MACROD2: variants seen among roughly 807,000 people sequenced by gnomAD.
MACROD2 encodes the protein ADP-ribose glycohydrolase MACROD2.
In MACROD2, 36 loss-of-function variants were observed where a neutral mutation model predicts 70.4. The ratio of observed to expected loss-of-function variants is 0.51; its 90% CI spans 0.39 to 0.68. MACROD2 has a LOEUF of 0.68. Among genes scored for constraint, MACROD2 ranks in the 30% least tolerant of loss-of-function variants. The pLI is 0.00. For missense variants in MACROD2, 496 were observed against 538.4 expected (o/e 0.92, Z 0.78); for synonymous variants, 172 against 178.8 (o/e 0.96, Z 0.30).
intron 7 of MACROD2, among the ~76,000 whole-genome samples, chr20:15,494,779 G>GCA (rs1568847808): frequency 2.0e-5 from 3 of 150,172 alleles, no homozygotes; most frequent in Admixed American, 1.3e-4. Context: ...GTGTGTGTGC[G>GCA]CGCGTGTGTG....
At chr20:14,996,539 C>T (rs567399330) in intron 5 of MACROD2, among the ~76,000 whole-genome samples, 12 of 152,166 alleles carry the variant, frequency 7.9e-5, no homozygotes, top group Non-Finnish European at 1.2e-4. Context: ...TCATGAGAAC[C>T]GAAAATTAGG....
chr20:14,972,815 A>C (rs935413965), intron 5 of MACROD2, among the ~76,000 whole-genome samples: 1 of 152,166 alleles, frequency 6.6e-6, no homozygotes, highest in East Asian at 1.9e-4. Context: ...GAGTGAATTT[A>C]GCTTGACACA....
chr20:14,168,874 T>C (rs991683494), intron 3 of MACROD2, among the ~76,000 whole-genome samples: 1 of 152,038 alleles, frequency 6.6e-6, no homozygotes, highest in African/African-American at 2.4e-5. Context: ...GTCTCCCTAA[T>C]ACAAAACCAG....
intron 8 of MACROD2, among the ~76,000 whole-genome samples, chr20:15,595,353 G>A (rs937796534): frequency 6.6e-6 from 1 of 152,126 alleles, no homozygotes; most frequent in Non-Finnish European, 1.5e-5. Flanking sequence ...AAAATTTATA[G>A]CACAGGAATA....
intron 5 of MACROD2, among the ~76,000 whole-genome samples, chr20:15,007,607 A>C (rs1392554829): frequency 6.6e-6 from 1 of 152,182 alleles, no homozygotes; most frequent in Non-Finnish European, 1.5e-5. Context: ...GATTTAATAT[A>C]GGCAATTAGG....
intron 8 of MACROD2, among the ~76,000 whole-genome samples, chr20:15,706,042 C>G (rs1363333480): frequency 2.0e-5 from 3 of 152,100 alleles, no homozygotes; most frequent in Non-Finnish European, 4.4e-5. Flanking sequence ...CAGTCTTGGT[C>G]CTAAATAGGA....
At chr20:14,760,347 T>C (rs1027963121) in intron 5 of MACROD2, among the ~76,000 whole-genome samples, 1 of 152,122 alleles carries the variant, frequency 6.6e-6, no homozygotes, top group Non-Finnish European at 1.5e-5. Flanking sequence ...GGGTATCTGA[T>C]ACTATAAGCA....
intron 3 of MACROD2, among the ~76,000 whole-genome samples, chr20:14,172,095 C>T (rs140379590): frequency 6.6e-6 from 1 of 152,058 alleles, no homozygotes; most frequent in Non-Finnish European, 1.5e-5. Flanking sequence ...TAATTTTCCT[C>T]TTTGTCTTTT....
intron 6 of MACROD2, among the ~76,000 whole-genome samples, chr20:15,390,300 A>C (rs920045575): frequency 6.6e-6 from 1 of 151,864 alleles, no homozygotes; most frequent in African/African-American, 2.4e-5. Context: ...TGTTCTCCAA[A>C]CCCCCTATGA....
intron 3 of MACROD2, among the ~76,000 whole-genome samples, chr20:14,102,380 A>G (rs1300494949): frequency 6.6e-6 from 1 of 152,108 alleles, no homozygotes; most frequent in African/African-American, 2.4e-5. Flanking sequence ...TAAAACTGTT[A>G]ATTATAAAGT....
chr20:14,521,120 C>T (rs762613150), intron 4 of MACROD2, among the ~76,000 whole-genome samples: 9 of 152,180 alleles, frequency 5.9e-5, no homozygotes, highest in East Asian at 1.9e-4. Flanking sequence ...AAGCAAAATA[C>T]CTCATGTTTT....
intron 5 of MACROD2, among the ~76,000 whole-genome samples, chr20:15,046,436 A>G (rs996872992): frequency 3.3e-5 from 5 of 152,226 alleles, no homozygotes; most frequent in African/African-American, 1.2e-4. Context: ...CAATGAGAAC[A>G]TCTTCCTACC....
chr20:14,466,736 T>G (rs1386572232), intron 3 of MACROD2, among the ~76,000 whole-genome samples: 1 of 152,106 alleles, frequency 6.6e-6, no homozygotes, highest in Non-Finnish European at 1.5e-5. Flanking sequence ...TTCTGTTTGT[T>G]AGTTTTCCTT....
chr20:14,405,642 T>A (rs2083683757), intron 3 of MACROD2, among the ~76,000 whole-genome samples: 1 of 152,218 alleles, frequency 6.6e-6, no homozygotes, highest in Non-Finnish European at 1.5e-5. Flanking sequence ...AATATCTAAA[T>A]GTGCAGAAAG....
intron 3 of MACROD2, among the ~76,000 whole-genome samples, chr20:14,375,536 C>G (rs1402717594): frequency 6.6e-6 from 1 of 152,064 alleles, no homozygotes; most frequent in Non-Finnish European, 1.5e-5. Flanking sequence ...GGTTTGGCAG[C>G]TGGGAGGTGT....
At chr20:14,478,361 T>G (rs1169959829) in intron 3 of MACROD2, among the ~76,000 whole-genome samples, 2 of 152,180 alleles carry the variant, frequency 1.3e-5, no homozygotes, top group Non-Finnish European at 2.9e-5. Context: ...TGTTTTCTGC[T>G]GAGGTAATTC....
chr20:14,336,233 TTAGACAGATTTATTAA>T (rs1410245981), intron 3 of MACROD2, among the ~76,000 whole-genome samples: 4 of 152,156 alleles, frequency 2.6e-5, no homozygotes, highest in South Asian at 2.1e-4. Flanking sequence ...GATGAGCATT[TTAGACAGATTTATTAA>T]TAGACAGATT....
chr20:15,852,314 T>C (rs2064308432), intron 8 of MACROD2, among the ~76,000 whole-genome samples: 1 of 152,202 alleles, frequency 6.6e-6, no homozygotes, highest in African/African-American at 2.4e-5. Flanking sequence ...AACAGGAAGA[T>C]TCTGAATTCT....
At chr20:14,208,885 A>C (rs555666130) in intron 3 of MACROD2, among the ~76,000 whole-genome samples, 1 of 152,378 alleles carries the variant, frequency 6.6e-6, no homozygotes, top group Non-Finnish European at 1.5e-5. Flanking sequence ...TTCTCCTAAA[A>C]GTAGAAGAAA....
Sources: allele counts gnomAD v4.1 joint callset (sites outside exome capture counted in the v4.1 genomes callset), GRCh38; gene constraint gnomAD v4.1.1; transcripts MANE v1.5; gene names NCBI Gene and HGNC (gene_info 2026-07-23, HGNC 2026-07-21).